RNF13: variants seen among roughly 807,000 people sequenced by gnomAD.
RNF13 encodes the protein E3 ubiquitin-protein ligase RNF13.
Under a neutral mutation model 37.7 loss-of-function variants are expected in RNF13, and 19 were observed. The ratio of observed to expected loss-of-function variants is 0.50; its 90% CI spans 0.35 to 0.74. The LOEUF is 0.74. RNF13 is among the 30% of genes least tolerant of loss of function. The pLI is 0.01. For missense variants in RNF13, 375 were observed against 453.0 expected, an observed-to-expected ratio of 0.83 and a Z score of 1.56; for synonymous variants, 144 against 157.8, an observed-to-expected ratio of 0.91 and a Z score of 0.65.
At position 149,924,115 on chromosome 3, in the gene RNF13, A is replaced by G. The variant is rs921843147; in HGVS notation, c.700+2888A>G. ...TACACAGAATTTACTGATGGACTAG[A>G]TATTGGAAGAGGAGACAAGGATGAC... is the stretch of plus-strand genomic sequence containing the variant. On this transcript the variant is annotated intron_variant, in intron 8 of 9. Transcript: ENST00000392894. 3.9e-5 allele frequency among the ~76,000 whole-genome samples: 6 copies of G among 152,198 alleles called. No homozygotes were observed. In the South Asian group the frequency reaches 1.0e-3, roughly 26 times the overall value.
intron 1 of RNF13, among the ~76,000 whole-genome samples, chr3:149,833,852 T>C (rs1039796507): frequency 7.2e-5 from 11 of 152,188 alleles, no homozygotes; most frequent in African/African-American, 2.7e-4. Context: ...TGACCTTACA[T>C]GTAGGCAATC....
At chr3:149,853,462 GA>G (rs1723324765) in intron 3 of RNF13, among the ~76,000 whole-genome samples, 2 of 88,000 alleles carry the variant, frequency 2.3e-5, no homozygotes, top group African/African-American at 9.0e-5. Flanking sequence ...GAGGGAGAGA[GA>G]GAGAGAGAGA....
intron 7 of RNF13, among the ~76,000 whole-genome samples, chr3:149,920,682 A>T (rs190376206): frequency 2.0e-5 from 3 of 152,002 alleles, no homozygotes; most frequent in Admixed American, 2.0e-4. Flanking sequence ...GAATATTTGT[A>T]GTGAAGGTGT....
chr3:149,914,589 TTAAAA>T (rs1166438080), intron 7 of RNF13, among the ~76,000 whole-genome samples: 1 of 152,016 alleles, frequency 6.6e-6, no homozygotes, highest in Admixed American at 6.6e-5. Flanking sequence ...GACTAAAAAC[TTAAAA>T]TAAACATTAT....
chr3:149,930,594 T>C (rs989057571), intron 8 of RNF13, among the ~76,000 whole-genome samples: 2 of 152,248 alleles, frequency 1.3e-5, no homozygotes, highest in African/African-American at 4.8e-5. Flanking sequence ...TGAGTTATGA[T>C]ATACCCTCTG....
intron 1 of RNF13, chr3:149,813,927 A>G (rs1719161786): frequency 1.3e-5 from 2 of 152,190 alleles, no homozygotes; most frequent in South Asian, 4.1e-4. Context: ...TGTCCCAGAG[A>G]GAAAGAGAGA....
chr3:149,836,464 A>G (rs1450970361), intron 1 of RNF13, among the ~76,000 whole-genome samples: 1 of 152,120 alleles, frequency 6.6e-6, no homozygotes, highest in African/African-American at 2.4e-5. Context: ...TATGTCTATC[A>G]TAAAATAGAT....
intron 4 of RNF13, among the ~76,000 whole-genome samples, chr3:149,878,420 TCTCAACATGGCCTG>T (rs1713002683): frequency 6.6e-6 from 1 of 152,176 alleles, no homozygotes; most frequent in Non-Finnish European, 1.5e-5. Flanking sequence ...GAGTAGCTCT[TCTCAACATGGCCTG>T]CAGTAGTCCT....
chr3:149,906,191 A>G (rs1377853850), intron 6 of RNF13, among the ~76,000 whole-genome samples: 1 of 152,080 alleles, frequency 6.6e-6, no homozygotes, highest in Non-Finnish European at 1.5e-5. Flanking sequence ...ATAGCTTTCC[A>G]TTGTATGGAT....
chr3:149,940,813 C>A (rs1294965470), intron 8 of RNF13, among the ~76,000 whole-genome samples: 3 of 152,052 alleles, frequency 2.0e-5, no homozygotes, highest in Non-Finnish European at 4.4e-5. Context: ...TCTTATAACA[C>A]TAAGACTCTG....
intron 1 of RNF13, chr3:149,814,318 A>G (rs1719198916): frequency 6.6e-6 from 1 of 152,268 alleles, no homozygotes; most frequent in Non-Finnish European, 1.5e-5. Flanking sequence ...AAACAGATCA[A>G]TTCAAGATTT....
intron 8 of RNF13, among the ~76,000 whole-genome samples, chr3:149,951,206 G>A (rs189793316): frequency 2.0e-5 from 3 of 152,198 alleles, no homozygotes; most frequent in African/African-American, 7.2e-5. Context: ...GGTTCTTATG[G>A]TGGTTTTCTA....
At chr3:149,822,724 T>G (rs1040848355) in intron 1 of RNF13, among the ~76,000 whole-genome samples, 1 of 152,126 alleles carries the variant, frequency 6.6e-6, no homozygotes, top group Non-Finnish European at 1.5e-5. Context: ...TCATTTCATT[T>G]TCTTTAGGTT....
intron 3 of RNF13, among the ~76,000 whole-genome samples, chr3:149,858,413 T>C (rs1232907260): frequency 6.6e-6 from 1 of 152,230 alleles, no homozygotes; most frequent in African/African-American, 2.4e-5. Context: ...CCAGATTTCT[T>C]GTTTCTATAT....
chr3:149,835,460 A>G (rs1221916784), intron 1 of RNF13, among the ~76,000 whole-genome samples: 2 of 152,072 alleles, frequency 1.3e-5, no homozygotes, highest in East Asian at 1.9e-4. Context: ...AGTCCATTGT[A>G]TCATTCTTAT....
intron 4 of RNF13, among the ~76,000 whole-genome samples, chr3:149,880,191 C>T (rs1713224144): frequency 6.6e-6 from 1 of 152,132 alleles, no homozygotes; most frequent in African/African-American, 2.4e-5. Context: ...ATTTTAAGTA[C>T]AGAAAGTTAT....
intron 8 of RNF13, among the ~76,000 whole-genome samples, chr3:149,948,713 T>C (rs1721015143): frequency 6.6e-6 from 1 of 152,210 alleles, no homozygotes; most frequent in South Asian, 2.1e-4. Context: ...TTTAATGTAA[T>C]TATTACTTTT....
intron 1 of RNF13, among the ~76,000 whole-genome samples, chr3:149,816,338 T>TCTTA (rs1719447645): frequency 6.6e-6 from 1 of 152,152 alleles, no homozygotes; most frequent in Admixed American, 6.5e-5. Context: ...CTCTTTTGTG[T>TCTTA]CTTATTTCAT....
intron 2 of RNF13, 105 bp from the exon 3 acceptor site, chr3:149,852,411 A>G (rs1176974027): frequency 6.2e-6 from 3 of 484,598 alleles, no homozygotes; most frequent in Non-Finnish European, 1.1e-5. Flanking sequence ...CTGTGATAGT[A>G]ATCAGAATTG....
Sources: gnomAD v4.1 joint callset for allele counts (sites outside exome capture counted in the v4.1 genomes callset) on GRCh38, gnomAD v4.1.1 for gene constraint, MANE v1.5 for transcripts, NCBI Gene and HGNC (gene_info 2026-07-23, HGNC 2026-07-21) for gene names.